Variants in SRD5A2 observed in about 807,000 individuals in gnomAD.
SRD5A2 encodes the protein steroid 5 alpha-reductase 2, also known as 3-oxo-5-alpha-steroid 4-dehydrogenase 2.
SRD5A2 carries 30 observed loss-of-function variants against 27.4 expected under a neutral mutation model. The observed-to-expected ratio is 1.10, with a 90% CI of 0.82 to 1.49. The LOEUF is 1.49. Ranked by LOEUF, SRD5A2 falls within the 40% of genes most tolerant of loss-of-function variation. The probability of loss-of-function intolerance (pLI) is 0.00; values close to 1 mark genes in which losing one functional copy is unlikely to be tolerated. For missense variants in SRD5A2, 348 were observed against 323.4 expected (o/e 1.08, Z -0.58); for synonymous variants, 141 against 133.6 (o/e 1.06, Z -0.38).
the SRD5A2 span, among the ~76,000 whole-genome samples, chr2:31,640,572 G>A: frequency 2.2e-4 from 34 of 152,222 alleles, no homozygotes; most frequent in Admixed American, 9.8e-4. Flanking sequence ...ATTTGCCACG[G>A]CTCTATTAAA....
At chr2:31,578,445 GT>G (rs1388574404) in intron 1 of SRD5A2, among the ~76,000 whole-genome samples, 1 of 152,146 alleles carries the variant, frequency 6.6e-6, no homozygotes, top group Non-Finnish European at 1.5e-5. Flanking sequence ...TCTTGCTCCA[GT>G]TTTCCACCTG....
At chr2:31,542,318 G>C (rs191219937) in intron 1 of SRD5A2, among the ~76,000 whole-genome samples, 1 of 152,166 alleles carries the variant, frequency 6.6e-6, no homozygotes, top group African/African-American at 2.4e-5. Context: ...TAAAAGCCTA[G>C]GCAACATAGT....
At chr2:31,610,885 A>T in the SRD5A2 span, among the ~76,000 whole-genome samples, 1 of 152,138 alleles carries the variant, frequency 6.6e-6, no homozygotes, top group Non-Finnish European at 1.5e-5. Context: ...AGGAGGGTGG[A>T]TCACCTGAGG....
Position 31,523,868 on chromosome 2 carries a change from C to T in SRD5A2, c.*2328G>A, listed in dbSNP as rs1420181181. On this transcript the variant is annotated 3_prime_UTR_variant, in exon 5 of 5. Transcript: ENST00000622030. Reference sequence around the variant, plus strand: ...ACAAACTGTCATTGAACACAACAGCCCTAGAACACTGAGAATACCTGAATT... The same window carrying T: ...ACAAACTGTCATTGAACACAACAGCTCTAGAACACTGAGAATACCTGAATT... 7 of 219,438 alleles carry T rather than the reference C, an allele frequency of 3.2e-5. No homozygotes were observed. The highest frequency in any genetic ancestry group is 5.8e-5 in the Admixed American group (1 of 17,298). 13.6% of individuals were successfully genotyped at this position (219,438 alleles called of 1,614,324 possible). A position where few individuals can be genotyped will look rare whatever the true frequency, so the allele number is the denominator to read the frequency against.
At chr2:31,549,576 G>A (rs1031088213) in intron 1 of SRD5A2, among the ~76,000 whole-genome samples, 2 of 152,144 alleles carry the variant, frequency 1.3e-5, no homozygotes, top group Non-Finnish European at 2.9e-5. Context: ...AAGTAAAAAT[G>A]AAGTAGAGTT....
chr2:31,604,363 T>G, the SRD5A2 span, among the ~76,000 whole-genome samples: 1 of 151,794 alleles, frequency 6.6e-6, no homozygotes, highest in Non-Finnish European at 1.5e-5. Context: ...TTGCAGATGA[T>G]ATGTTCTCAT....
chr2:31,638,543 G>A, the SRD5A2 span, among the ~76,000 whole-genome samples: 2 of 151,928 alleles, frequency 1.3e-5, no homozygotes, highest in African/African-American at 4.8e-5. Flanking sequence ...TATCATTATT[G>A]TATTCCAGTC....
At chr2:31,532,361 T>TCACACACACA (rs35752905) in intron 2 of SRD5A2, among the ~76,000 whole-genome samples, 5 of 143,704 alleles carry the variant, frequency 3.5e-5, no homozygotes, top group East Asian at 4.1e-4. Flanking sequence ...CACTGCCAGT[T>TCACACACACA]CACACACACA....
the SRD5A2 span, among the ~76,000 whole-genome samples, chr2:31,588,639 C>G: frequency 6.6e-6 from 1 of 151,888 alleles, no homozygotes; most frequent in African/African-American, 2.4e-5. Context: ...ATACTTCAAT[C>G]AAAAAGAAAA....
At chr2:31,625,540 A>C in the SRD5A2 span, among the ~76,000 whole-genome samples, 1 of 152,156 alleles carries the variant, frequency 6.6e-6, no homozygotes, top group Non-Finnish European at 1.5e-5. Flanking sequence ...TTTTTGTATA[A>C]AGTGTAAGGA....
the SRD5A2 span, among the ~76,000 whole-genome samples, chr2:31,643,754 G>A: frequency 6.6e-6 from 1 of 152,116 alleles, no homozygotes; most frequent in Non-Finnish European, 1.5e-5. Context: ...GGGGAAATTT[G>A]AGCCTCAAAA....
At chr2:31,529,676 T>G (rs1243334338) in intron 3 of SRD5A2, among the ~76,000 whole-genome samples, 2 of 151,936 alleles carry the variant, frequency 1.3e-5, no homozygotes, top group Non-Finnish European at 2.9e-5. Flanking sequence ...TTGCGAAGAG[T>G]GGCCTCAACT....
At chr2:31,640,189 T>G in the SRD5A2 span, among the ~76,000 whole-genome samples, 57 of 148,582 alleles carry the variant, frequency 3.8e-4, no homozygotes, top group Admixed American at 2.7e-3. Context: ...CAGCTGTGTG[T>G]TTTTTTTTTA....
chr2:31,620,061 T>C, the SRD5A2 span, among the ~76,000 whole-genome samples: 3 of 152,130 alleles, frequency 2.0e-5, no homozygotes, highest in Admixed American at 6.6e-5. Flanking sequence ...TCCAGGTTTT[T>C]ATAGTTTTGG....
At chr2:31,659,252 T>C in the SRD5A2 span, among the ~76,000 whole-genome samples, 1 of 152,110 alleles carries the variant, frequency 6.6e-6, no homozygotes, top group Non-Finnish European at 1.5e-5. Context: ...ACTGTAAGCA[T>C]TCCCCTTGAA....
At chr2:31,658,785 G>C in the SRD5A2 span, among the ~76,000 whole-genome samples, 1 of 152,120 alleles carries the variant, frequency 6.6e-6, no homozygotes, top group South Asian at 2.1e-4. Context: ...ATTCCTATCA[G>C]ATGTATAAAG....
At chr2:31,595,934 A>G in the SRD5A2 span, among the ~76,000 whole-genome samples, 1 of 152,222 alleles carries the variant, frequency 6.6e-6, no homozygotes, top group Non-Finnish European at 1.5e-5. Context: ...CACCACATAA[A>G]CAAATTTATA....
chr2:31,589,471 A>T, the SRD5A2 span, among the ~76,000 whole-genome samples: 2 of 152,192 alleles, frequency 1.3e-5, no homozygotes, highest in Non-Finnish European at 2.9e-5. Context: ...GGATGCCCCC[A>T]GGAACTCCAC....
upstream of SRD5A2, among the ~76,000 whole-genome samples, chr2:31,581,922 C>T (rs1018161482): frequency 1.5e-4 from 23 of 152,204 alleles, no homozygotes; most frequent in Non-Finnish European, 3.2e-4. Context: ...TCCAGCCCCT[C>T]CGTCTTCTAC....
Sources: allele counts gnomAD v4.1 joint callset (sites outside exome capture counted in the v4.1 genomes callset), GRCh38; gene constraint gnomAD v4.1.1; transcripts MANE v1.5; gene names NCBI Gene and HGNC (gene_info 2026-07-23, HGNC 2026-07-21).